MVP: variants seen among roughly 807,000 people sequenced by gnomAD.
MVP encodes lung resistance-related protein.
Under a neutral mutation model 83.5 loss-of-function variants are expected in MVP, and 62 were observed. The ratio of observed to expected loss-of-function variants is 0.74; its 90% CI spans 0.61 to 0.92. The LOEUF (loss-of-function observed/expected upper bound fraction) is 0.92, where lower values mean the gene tolerates loss of function less well. Among genes scored for constraint, MVP ranks in the 40% least tolerant of loss-of-function variants. The pLI, the probability that MVP is intolerant of heterozygous loss-of-function variation, is 0.00. For missense variants in MVP, 1,000 were observed against 1,203.4 expected, an observed-to-expected ratio of 0.83 and a Z score of 2.50; for synonymous variants, 505 against 504.1, an observed-to-expected ratio of 1.00 and a Z score of -0.02.
chr16:29,847,181 A>G lies in MVP; in HGVS notation c.2266-16A>G. The G allele has an allele frequency of 6.2e-7, 1 of 1,610,644 alleles. No individual in the cohort carries two copies. Among genetic ancestry groups the G allele is most frequent in the East Asian group, 2.2e-5 (1 of 44,828 alleles). The stretch of plus-strand genomic sequence containing the variant: ...TGGGTCAAAAAATAAAGAATGATTG[A>G]TTTTTCCTCTTCCAGGAGGCTGAGC... On this transcript the variant is annotated splice_polypyrimidine_tract_variant and intron_variant, in intron 13 of 14. Coordinates refer to ENST00000357402, the MANE Select transcript of MVP (RefSeq NM_005115.5).
chr16:29,833,985 A>G lies in MVP; in HGVS notation c.496A>G (p.Thr166Ala). Residue 166 changes from threonine (T) to alanine (A), a missense_variant, in exon 5 of 15, where the codon ACC (threonine) becomes GCC (alanine). Physicochemically the swap from Thr to Ala is moderately conservative, Grantham distance 58. Transcript: ENST00000357402. Reference protein sequence around the residue: ...EVEVVEIIQATIIRQNQALRL... With the variant: ...EVEVVEIIQAAIIRQNQALRL... ...GGAGGTCGTGGAGATCATTCAGGCC[A>G]CCATCATCAGGCAGAACCAGGCTCT... 4 of 1,614,088 alleles carry G rather than the reference A, an allele frequency of 2.5e-6. No individual in the cohort carries two copies. Among genetic ancestry groups the G allele is most frequent in the Non-Finnish European group, 3.4e-6 (4 of 1,179,990 alleles).
chr16:29,828,305 G>A (rs1021493927), intron 1 of MVP, among the ~76,000 whole-genome samples: 1 of 152,172 alleles, frequency 6.6e-6, no homozygotes. Context: ...GATGTGGCTA[G>A]TCCAAAGACA....
Position 29,830,892 on chromosome 16 carries a change from C to T in MVP, c.140C>T (p.Pro47Leu). 3 of 1,612,584 alleles carry T rather than the reference C, an allele frequency of 1.9e-6. No individual in the cohort carries two copies. Among genetic ancestry groups the T allele is most frequent in the Non-Finnish European group, 2.5e-6 (3 of 1,178,852 alleles). ...TCTTCCTGCAGGGTACTGTTTGCCC[C>T]CATGCGCATGGTGACCGTCCCCCCA... is the stretch of plus-strand genomic sequence containing the variant. ...RQDNERVLFAPMRMVTVPPRH... is the reference protein window; with the variant it reads ...RQDNERVLFALMRMVTVPPRH... The change falls in exon 3 of 15, where the codon CCC becomes CTC. Residue 47 changes from proline to leucine, a missense_variant. By Grantham distance (98) the Pro-to-Leu change is moderately conservative. Coordinates refer to ENST00000357402, the MANE Select transcript of MVP (RefSeq NM_005115.5).
At position 29,833,574 on chromosome 16, in the gene MVP, T is replaced by TGGC; in HGVS notation, c.322-159_322-158insGGC. ...ATCCTCCTACCTCAGTCTCCCAAAG[T>TGGC]TCTGGGATGACAGGTGTGAGCCACT... On this transcript the variant is annotated intron_variant, in intron 3 of 14. Transcript: ENST00000357402. 4 of 896,586 alleles carry TGGC rather than the reference T, an allele frequency of 4.5e-6. No individual in the cohort carries two copies. The South Asian group carries it at 5.2e-5, about 12-fold the overall frequency. 55.5% of individuals were successfully genotyped at this position (896,586 alleles called of 1,614,324 possible). A position where few individuals can be genotyped will look rare whatever the true frequency, so the allele number is the denominator to read the frequency against.
chr16:29,834,360 A>G (rs1015206343), intron 5 of MVP: 6 of 386,754 alleles, frequency 1.6e-5, no homozygotes, highest in Non-Finnish European at 3.0e-5. Flanking sequence ...ATCAACAAAG[A>G]AGATGTTCAA....
In MVP at chr16:29,841,850, G is replaced by A; in HGVS notation, c.1436+10G>A. ...GAGAGAAGCGAGCCCGGTGAGTGCTGGCAGCGCAGGGTGTAGGGGGTGGCT... is the reference window on the plus strand; with the variant it reads ...GAGAGAAGCGAGCCCGGTGAGTGCTAGCAGCGCAGGGTGTAGGGGGTGGCT... On this transcript the variant is annotated intron_variant, in intron 9 of 14. Coordinates refer to ENST00000357402, the MANE Select transcript of MVP (RefSeq NM_005115.5). The surrounding 1 kb of genome is among the most constrained non-coding windows in gnomAD (Gnocchi z 4.7). The A allele has an allele frequency of 6.2e-7, 1 of 1,608,914 alleles. No homozygotes were observed. The highest frequency in any genetic ancestry group is 8.5e-7 in the Non-Finnish European group (1 of 1,179,764).
chr16:29,847,348 C>T lies in MVP; in HGVS notation c.2417C>T (p.Thr806Ile), dbSNP rs2067593784. The T allele has an allele frequency of 6.3e-7, 1 of 1,580,174 alleles. No homozygotes were observed. Among genetic ancestry groups the T allele is most frequent in the African/African-American group, 1.4e-5 (1 of 73,244 alleles). The change falls in exon 14 of 15, where the codon ACC (threonine) becomes ATC (isoleucine). Residue 806 changes from threonine (T) to isoleucine (I), a missense_variant. Transcript: ENST00000357402. ...ATGACAGAGGCCATAGGCCCCAGCA[C>T]CATCAGGGACCTTGCTGTGGCTGGG... Reference protein sequence around the residue: ...KQMTEAIGPSTIRDLAVAGPE... With the variant: ...KQMTEAIGPSIIRDLAVAGPE...
chr16:29,842,201 G>T, intron 10 of MVP, 89 bp downstream of exon 10: 1 of 1,367,094 alleles, frequency 7.3e-7, no homozygotes, highest in South Asian at 1.3e-5. Context: ...AGCCTAGGAG[G>T]TCCAGGCTGC....
At chr16:29,847,545 A>G (rs1376801108) in intron 14 of MVP, among the ~76,000 whole-genome samples, 160 bp downstream of exon 14, 1 of 152,156 alleles carries the variant, frequency 6.6e-6, no homozygotes, top group Non-Finnish European at 1.5e-5. Context: ...ACGCTGCATC[A>G]ACGTCAGGCA....
chr16:29,832,499 G>A (rs532059083), intron 3 of MVP, among the ~76,000 whole-genome samples: 17 of 150,564 alleles, frequency 1.1e-4, no homozygotes, highest in Non-Finnish European at 2.2e-4. Flanking sequence ...GGGTTTCACC[G>A]TGTTAGCCAG....
At position 29,833,684 on chromosome 16, in the gene MVP, TG is replaced by T. The variant is rs750766350; in HGVS notation, c.322-45del. 3 of 1,610,590 alleles carry T rather than the reference TG, an allele frequency of 1.9e-6. No individual in the cohort carries two copies. The African/African-American group carries it at 4.0e-5, about 22-fold the overall frequency. ...GCCTCCAGAGCATCAGGCTTGGCCC[TG>T]GGGTCACAGCACTGATGGTTCTGTG... On this transcript the variant is annotated intron_variant, in intron 3 of 14. Transcript: ENST00000357402.
At position 29,841,246 on chromosome 16, in the gene MVP, C is replaced by T. The variant is rs2067532080; in HGVS notation, c.1192-350C>T. Among the ~76,000 whole-genome samples, 1 of 152,168 alleles carries T rather than the reference C, an allele frequency of 6.6e-6. No individual in the cohort carries two copies. The highest frequency in any genetic ancestry group is 1.5e-5 in the Non-Finnish European group (1 of 68,012). On this transcript the variant is annotated intron_variant, in intron 8 of 14. Coordinates refer to ENST00000357402, the MANE Select transcript of MVP (RefSeq NM_005115.5). The surrounding 1 kb of genome is among the most constrained non-coding windows in gnomAD (Gnocchi z 4.7). ...ACTTCACCATCCCCGAGGTGCCCTC[C>T]AAACTGCCCCATGAAGGAAGATTCT... is the stretch of plus-strand genomic sequence containing the variant.
chr16:29,822,273 G>T (rs1468986834), intron 1 of MVP, among the ~76,000 whole-genome samples: 2 of 151,592 alleles, frequency 1.3e-5, no homozygotes, highest in East Asian at 3.9e-4. Flanking sequence ...GGAAGTCTAG[G>T]CTGGCTGAGC....
intron 13 of MVP, among the ~76,000 whole-genome samples, chr16:29,846,623 C>T (rs187653889): frequency 2.6e-5 from 4 of 152,204 alleles, no homozygotes; most frequent in Admixed American, 1.3e-4. Flanking sequence ...TTTGGGAGGC[C>T]GAGGCGGGTG....
rs112211912 is a variant in MVP at position 29,841,905 on chromosome 16, G to C, written c.1437-10G>C. ...ATGGGTCTGGCTCTGACCCTCGGCT[G>C]TCTCTGCAGCGTGGTCTTCGGGCCT... On this transcript the variant is annotated splice_polypyrimidine_tract_variant and intron_variant, in intron 9 of 14. Coordinates refer to ENST00000357402, the MANE Select transcript of MVP (RefSeq NM_005115.5). This position sits in a 1 kb window ranked among gnomAD's most constrained non-coding sequence, Gnocchi z 4.7. 972 of 1,611,730 alleles carry C rather than the reference G, an allele frequency of 6.0e-4. 7 individuals carry two copies. In the African/African-American group the frequency reaches 8.7e-3, roughly 14 times the overall value.
At chr16:29,823,582 G>A (rs918473421) in intron 1 of MVP, among the ~76,000 whole-genome samples, 30 of 152,136 alleles carry the variant, frequency 2.0e-4, no homozygotes, top group Non-Finnish European at 3.7e-4. Flanking sequence ...GGCCAGGCGC[G>A]GTGGCTCACG....
chr16:29,846,054 C>T (rs961828441), intron 12 of MVP, 75 bp downstream of exon 12: 2 of 1,609,938 alleles, frequency 1.2e-6, no homozygotes, highest in East Asian at 2.2e-5. Context: ...GGCAGCAGGC[C>T]TGGGTGGGGT....
chr16:29,824,242 CAG>C (rs996196744), intron 1 of MVP, among the ~76,000 whole-genome samples: 3 of 73,202 alleles, frequency 4.1e-5, no homozygotes, highest in African/African-American at 9.3e-5. Flanking sequence ...AAAAAAAAAA[CAG>C]ATTTCCAGAT....
intron 3 of MVP, 144 bp downstream of exon 3, chr16:29,831,217 C>A: frequency 1.2e-6 from 1 of 819,002 alleles, no homozygotes; most frequent in Non-Finnish European, 1.9e-6. Flanking sequence ...AGTGCAGTGG[C>A]ATAATCTCGG....
Sources: allele counts gnomAD v4.1 joint callset (sites outside exome capture counted in the v4.1 genomes callset), GRCh38; gene constraint gnomAD v4.1.1; non-coding constraint Gnocchi (gnomAD v3.1); transcripts MANE v1.5; gene names NCBI Gene and HGNC (gene_info 2026-07-23, HGNC 2026-07-21).